SH3BGR: variants seen among roughly 807,000 people sequenced by gnomAD.
SH3BGR encodes SH3 domain binding glutamate rich protein, also known as SH3 domain-binding glutamic acid-rich protein.
Under a neutral mutation model 24.5 loss-of-function variants are expected in SH3BGR, and 29 were observed. The ratio of observed to expected loss-of-function variants is 1.18; its 90% CI spans 0.88 to 1.61. The LOEUF is 1.61. Among genes scored for constraint, SH3BGR ranks in the 40% most tolerant of loss-of-function variants. The pLI is 0.00. For synonymous variants in SH3BGR, 55 were observed against 65.7 expected, an observed-to-expected ratio of 0.84 and a Z score of 0.79; for missense variants, 162 against 205.8, an observed-to-expected ratio of 0.79 and a Z score of 1.30.
intron 3 of SH3BGR, among the ~76,000 whole-genome samples, chr21:39,493,890 A>ATTT (rs1448296576): frequency 6.6e-6 from 1 of 152,090 alleles, no homozygotes; most frequent in Non-Finnish European, 1.5e-5. Flanking sequence ...AAAGTAGTTG[A>ATTT]GATCTTGATT....
chr21:39,452,224 T>C, intron 1 of SH3BGR, 83 bp downstream of exon 1: 4 of 1,558,024 alleles, frequency 2.6e-6, no homozygotes, highest in Non-Finnish European at 3.5e-6. Context: ...TGGCCTTCAG[T>C]TTCTTTTTTG....
chr21:39,466,536 GTTTAA>G (rs1672018323), intron 2 of SH3BGR, among the ~76,000 whole-genome samples: 1 of 152,202 alleles, frequency 6.6e-6, no homozygotes, highest in African/African-American at 2.4e-5. Context: ...AAGGAAAGAG[GTTTAA>G]TTGACTCACA....
chr21:39,498,320 G>T (rs932772087), intron 3 of SH3BGR, among the ~76,000 whole-genome samples: 4 of 152,190 alleles, frequency 2.6e-5, no homozygotes, highest in African/African-American at 7.2e-5. Context: ...CCATGAGCTT[G>T]CAGAGCCTCT....
At chr21:39,460,580 C>T (rs2077738763) in intron 1 of SH3BGR, among the ~76,000 whole-genome samples, 2 of 152,046 alleles carry the variant, frequency 1.3e-5, no homozygotes, top group Non-Finnish European at 2.9e-5. Context: ...AGTGATTCTA[C>T]TGCCTCAGCC....
intron 3 of SH3BGR, among the ~76,000 whole-genome samples, chr21:39,476,548 C>T (rs2078030610): frequency 6.6e-6 from 1 of 152,148 alleles, no homozygotes; most frequent in Non-Finnish European, 1.5e-5. Flanking sequence ...TACTCCTTCC[C>T]ACCACTGGAA....
At chr21:39,481,436 T>C (rs534333817) in intron 3 of SH3BGR, among the ~76,000 whole-genome samples, 1 of 152,198 alleles carries the variant, frequency 6.6e-6, no homozygotes, top group Non-Finnish European at 1.5e-5. Context: ...AATATATGGA[T>C]AAGTGAATAA....
chr21:39,455,969 A>G (rs532957196), intron 1 of SH3BGR, among the ~76,000 whole-genome samples: 2 of 152,262 alleles, frequency 1.3e-5, no homozygotes, highest in South Asian at 2.1e-4. Context: ...CCTGGATGCA[A>G]TTGCCTGTCT....
At chr21:39,459,398 T>C (rs1217750044) in intron 1 of SH3BGR, among the ~76,000 whole-genome samples, 1 of 152,150 alleles carries the variant, frequency 6.6e-6, no homozygotes, top group Non-Finnish European at 1.5e-5. Context: ...CTAATTTTTG[T>C]ATTTTTAGTA....
At chr21:39,478,847 T>C (rs1036337576) in intron 3 of SH3BGR, among the ~76,000 whole-genome samples, 2 of 152,106 alleles carry the variant, frequency 1.3e-5, no homozygotes, top group African/African-American at 4.8e-5. Context: ...TTTGTTGTTA[T>C]CTCTGCATGT....
At chr21:39,462,189 C>G (rs2077766231) in intron 1 of SH3BGR, among the ~76,000 whole-genome samples, 186 bp from the exon 2 acceptor site, 1 of 152,130 alleles carries the variant, frequency 6.6e-6, no homozygotes, top group Non-Finnish European at 1.5e-5. Flanking sequence ...ACTAAAATTT[C>G]AGAATTTAAA....
At position 39,462,268 on chromosome 21, in the gene SH3BGR, C is replaced by G. The variant is rs546600530; in HGVS notation, c.46-107C>G. The G allele has an allele frequency of 5.4e-5, 41 of 761,120 alleles. No homozygotes were observed. The African/African-American group carries it at 6.1e-4, about 11-fold the overall frequency. 47.1% of individuals were successfully genotyped at this position (761,120 alleles called of 1,614,324 possible). On this transcript the variant is annotated intron_variant, in intron 1 of 6. Transcript: ENST00000333634. Reference sequence around the variant, plus strand: ...TTATTTTCCTTGTTTGAATACTTAACAAAATTATTTGTGTTGTATAGTATA... The same window carrying G: ...TTATTTTCCTTGTTTGAATACTTAAGAAAATTATTTGTGTTGTATAGTATA...
intron 3 of SH3BGR, among the ~76,000 whole-genome samples, chr21:39,478,644 ATTC>A (rs1371291260): frequency 6.6e-6 from 1 of 151,992 alleles, no homozygotes; most frequent in Admixed American, 6.5e-5. Context: ...TCTTTTTGGA[ATTC>A]TTCTTATTTA....
At chr21:39,497,743 C>T (rs905189385) in intron 3 of SH3BGR, among the ~76,000 whole-genome samples, 1 of 152,016 alleles carries the variant, frequency 6.6e-6, no homozygotes, top group Non-Finnish European at 1.5e-5. Flanking sequence ...GCCCTTATTT[C>T]CAATAATGAT....
intron 3 of SH3BGR, chr21:39,491,777 A>G: frequency 4.6e-6 from 1 of 218,668 alleles, no homozygotes; most frequent in Non-Finnish European, 9.6e-6. Flanking sequence ...TTTGTTTCAA[A>G]TGACAAATTT....
At chr21:39,448,444 A>G (rs956114724), upstream of SH3BGR, among the ~76,000 whole-genome samples, 1 of 152,204 alleles carries the variant, frequency 6.6e-6, no homozygotes, top group Non-Finnish European at 1.5e-5. Context: ...TTTGTAGCCC[A>G]GTACCTCATG....
At chr21:39,452,744 C>A (rs569467261) in intron 1 of SH3BGR, among the ~76,000 whole-genome samples, 2 of 152,202 alleles carry the variant, frequency 1.3e-5, no homozygotes, top group Non-Finnish European at 2.9e-5. Flanking sequence ...TGAAAGCCGA[C>A]CTTCATAACC....
chr21:39,451,574 G>T (rs1033774296), upstream of SH3BGR, among the ~76,000 whole-genome samples: 1 of 152,134 alleles, frequency 6.6e-6, no homozygotes, highest in Non-Finnish European at 1.5e-5. Flanking sequence ...TGGCTATTCT[G>T]ACCCTTCCAG....
chr21:39,475,231 C>T lies in SH3BGR; in HGVS notation c.312+16C>T, dbSNP rs1036164643. The T allele has an allele frequency of 4.6e-6, 7 of 1,516,764 alleles. No individual in the cohort carries two copies. Among genetic ancestry groups the T allele is most frequent in the Middle Eastern group, 1.7e-4 (1 of 5,902 alleles). The allele number at this position is 1,516,764 out of a possible 1,614,324, so 94.0% of individuals were successfully genotyped here. Reference sequence around the variant, plus strand: ...AGACTCAAAGGTAAGTTTGAACAAACTCCATTGGGGTTCAAAACAGGTAAT... The same window carrying T: ...AGACTCAAAGGTAAGTTTGAACAAATTCCATTGGGGTTCAAAACAGGTAAT... On this transcript the variant is annotated intron_variant, in intron 3 of 6. Transcript: ENST00000333634.
intron 4 of SH3BGR, among the ~76,000 whole-genome samples, chr21:39,503,255 T>G (rs953127519): frequency 1.2e-4 from 18 of 152,224 alleles, no homozygotes; most frequent in African/African-American, 4.1e-4. Context: ...CTGAAATAAC[T>G]ATAGACTCAC....
Sources: allele counts gnomAD v4.1 joint callset (sites outside exome capture counted in the v4.1 genomes callset), GRCh38; gene constraint gnomAD v4.1.1; transcripts MANE v1.5; gene names NCBI Gene and HGNC (gene_info 2026-07-23, HGNC 2026-07-21).